Variants in DPP6 observed in about 807,000 individuals in gnomAD.
DPP6 encodes the protein dipeptidyl peptidase like 6.
A neutral mutation model predicts 122.6 loss-of-function variants in DPP6; 69 were observed. The ratio of observed to expected loss-of-function variants is 0.56; its 90% CI spans 0.46 to 0.69. The LOEUF (loss-of-function observed/expected upper bound fraction) is 0.69, where lower values mean the gene tolerates loss of function less well. Ranked by LOEUF, DPP6 falls within the 30% of genes least tolerant of loss-of-function variation. The pLI, the probability that DPP6 is intolerant of heterozygous loss-of-function variation, is 0.00. For synonymous variants in DPP6, 418 were observed against 433.1 expected, an observed-to-expected ratio of 0.97 and a Z score of 0.43; for missense variants, 928 against 1,116.9, an observed-to-expected ratio of 0.83 and a Z score of 2.41.
intron 3 of DPP6, among the ~76,000 whole-genome samples, chr7:154,501,929 C>T (rs1197740882): frequency 7.1e-6 from 1 of 141,666 alleles, no homozygotes; most frequent in Non-Finnish European, 1.6e-5. Flanking sequence ...GAGGCTGTCC[C>T]CTGCAGAGCC....
chr7:154,780,726 A>T (rs1796967563), intron 10 of DPP6, among the ~76,000 whole-genome samples: 1 of 152,260 alleles, frequency 6.6e-6, no homozygotes, highest in Admixed American at 6.5e-5. Context: ...ATCTGCAGGA[A>T]AATGAGACTT....
At chr7:154,670,154 C>T (rs576662528) in intron 7 of DPP6, among the ~76,000 whole-genome samples, 8 of 121,936 alleles carry the variant, frequency 6.6e-5, no homozygotes, top group African/African-American at 2.3e-4. Context: ...GCTACCGTGC[C>T]CAGCCTCTGC....
chr7:154,440,446 A>G (rs936493478), intron 1 of DPP6, among the ~76,000 whole-genome samples: 1 of 152,304 alleles, frequency 6.6e-6, no homozygotes, highest in East Asian at 1.9e-4. Context: ...TGCTAAGTAC[A>G]TGCAATGCTT....
At chr7:154,405,732 G>A (rs1016852784) in intron 1 of DPP6, among the ~76,000 whole-genome samples, 1 of 152,104 alleles carries the variant, frequency 6.6e-6, no homozygotes, top group East Asian at 1.9e-4. Context: ...GGACTCAGAG[G>A]CTCTCAAACT....
intron 1 of DPP6, among the ~76,000 whole-genome samples, chr7:154,319,130 T>A (rs1396226032): frequency 2.0e-5 from 3 of 152,240 alleles, no homozygotes; most frequent in African/African-American, 7.2e-5. Flanking sequence ...GCGCTTGTCC[T>A]CATGAACTTC....
chr7:154,882,767 G>A (rs962229180), intron 21 of DPP6, among the ~76,000 whole-genome samples: 1 of 152,242 alleles, frequency 6.6e-6, no homozygotes, highest in Admixed American at 6.5e-5. Flanking sequence ...AGAAAACGAA[G>A]AATGACAAGT....
chr7:154,443,374 C>G (rs1191971450), intron 1 of DPP6, among the ~76,000 whole-genome samples: 1 of 152,144 alleles, frequency 6.6e-6, no homozygotes, highest in Non-Finnish European at 1.5e-5. Flanking sequence ...AAATGAAAGC[C>G]ATTCAACTTC....
chr7:154,720,121 A>C (rs2131338913), intron 7 of DPP6, among the ~76,000 whole-genome samples: 1 of 152,290 alleles, frequency 6.6e-6, no homozygotes, highest in East Asian at 1.9e-4. Context: ...TTGAGAGCTG[A>C]GCAGAGGCTT....
chr7:154,445,932 C>G (rs940853767), intron 1 of DPP6, among the ~76,000 whole-genome samples: 23 of 152,132 alleles, frequency 1.5e-4, no homozygotes, highest in Admixed American at 5.2e-4. Context: ...GGAGGAGGAG[C>G]ATTAGGTTTG....
At chr7:154,564,589 C>T (rs1308274071) in intron 4 of DPP6, among the ~76,000 whole-genome samples, 3 of 152,174 alleles carry the variant, frequency 2.0e-5, no homozygotes, top group African/African-American at 7.2e-5. Flanking sequence ...GATATCTATT[C>T]TATACAAAAA....
chr7:154,078,431 G>A (rs964892252), intron 1 of DPP6, among the ~76,000 whole-genome samples: 1 of 151,418 alleles, frequency 6.6e-6, no homozygotes, highest in African/African-American at 2.4e-5. Flanking sequence ...CTTTCACCTT[G>A]AAGATGAAGC....
Position 154,893,796 on chromosome 7 carries a change from C to G in DPP6, c.*1316C>G, listed in dbSNP as rs1451887899. 2 of 152,270 alleles carry G rather than the reference C, an allele frequency of 1.3e-5. No individual in the cohort carries two copies. Among genetic ancestry groups the G allele is most frequent in the African/African-American group, 4.8e-5 (2 of 41,460 alleles). 9.4% of individuals were successfully genotyped at this position (152,270 alleles called of 1,614,324 possible). ...GCTAACCCCGTGTTGAGCCTGCATGCTGACACTGTGGCCGATCTGGACTCT... is the reference window on the plus strand; with the variant it reads ...GCTAACCCCGTGTTGAGCCTGCATGGTGACACTGTGGCCGATCTGGACTCT... On this transcript the variant is annotated 3_prime_UTR_variant, in exon 26 of 26. Transcript: ENST00000377770.
chr7:153,886,332 A>G (rs1017537022), upstream of DPP6, among the ~76,000 whole-genome samples: 2 of 152,150 alleles, frequency 1.3e-5, no homozygotes, highest in African/African-American at 4.8e-5. Flanking sequence ...CAGCAGGTGG[A>G]GACGGGAACC....
intron 21 of DPP6, among the ~76,000 whole-genome samples, chr7:154,882,275 C>G (rs1805449980): frequency 6.6e-6 from 1 of 152,198 alleles, no homozygotes; most frequent in African/African-American, 2.4e-5. Context: ...ACCCCCACAC[C>G]CTGTACCCCC....
At chr7:153,862,392 A>G in the DPP6 span, among the ~76,000 whole-genome samples, 3 of 152,128 alleles carry the variant, frequency 2.0e-5, no homozygotes, top group African/African-American at 7.2e-5. Flanking sequence ...CCACTCTGAC[A>G]TCTCAGCTCC....
intron 1 of DPP6, among the ~76,000 whole-genome samples, chr7:154,065,567 A>G (rs766526560): frequency 1.3e-5 from 2 of 151,512 alleles, no homozygotes; most frequent in Non-Finnish European, 2.9e-5. Flanking sequence ...GAATACTACT[A>G]CCTAAGCAGT....
chr7:154,220,631 C>A (rs377151461), intron 1 of DPP6, among the ~76,000 whole-genome samples: 2 of 152,184 alleles, frequency 1.3e-5, no homozygotes, highest in Non-Finnish European at 2.9e-5. Context: ...TCACCAGATG[C>A]CACATCTCGT....
intron 4 of DPP6, among the ~76,000 whole-genome samples, chr7:154,565,555 C>A (rs942787773): frequency 4.0e-5 from 6 of 151,898 alleles, no homozygotes; most frequent in Admixed American, 3.3e-4. Flanking sequence ...GATGGAGTGT[C>A]GCTCTTGTCG....
At chr7:154,431,010 C>T (rs970193468) in intron 1 of DPP6, among the ~76,000 whole-genome samples, 8 of 152,280 alleles carry the variant, frequency 5.3e-5, no homozygotes, top group East Asian at 1.9e-4. Context: ...CCTGTGCTCA[C>T]GGCGCTTACT....
Sources: allele counts gnomAD v4.1 joint callset (sites outside exome capture counted in the v4.1 genomes callset), GRCh38; gene constraint gnomAD v4.1.1; transcripts MANE v1.5; gene names NCBI Gene and HGNC (gene_info 2026-07-23, HGNC 2026-07-21).